The following DYNC2I2 variants were observed in gnomAD, a reference collection of about 807,000 sequenced individuals.
DYNC2I2 encodes cytoplasmic dynein 2 intermediate chain 2.
DYNC2I2 carries 39 observed loss-of-function variants against 52.0 expected under a neutral mutation model. The ratio of observed to expected loss-of-function variants is 0.75; its 90% CI spans 0.58 to 0.98. The LOEUF (loss-of-function observed/expected upper bound fraction) is 0.98, where lower values mean the gene tolerates loss of function less well. DYNC2I2 is among the 50% of genes least tolerant of loss of function. The probability of loss-of-function intolerance (pLI) is 0.00; values close to 1 mark genes in which losing one functional copy is unlikely to be tolerated. For synonymous variants in DYNC2I2, 359 were observed against 321.1 expected (o/e 1.12, Z -1.26); for missense variants, 743 against 728.4 (o/e 1.02, Z -0.23).
intron 1 of DYNC2I2, among the ~76,000 whole-genome samples, chr9:128,642,397 A>C (rs1860531293): frequency 6.8e-6 from 1 of 147,234 alleles, no homozygotes; most frequent in Admixed American, 7.0e-5. Flanking sequence ...CGGAGGTTGC[A>C]CTGAGCCGAG....
chr9:128,671,059 C>T, the DYNC2I2 span, among the ~76,000 whole-genome samples: 1 of 103,042 alleles, frequency 9.7e-6, no homozygotes, highest in Non-Finnish European at 1.9e-5. Context: ...AAAAGCGAAA[C>T]TCCGTCTCAA....
Position 128,640,777 on chromosome 9 carries a change from C to A in DYNC2I2, c.349G>T (p.Ala117Ser). The A allele has an allele frequency of 6.2e-7, 1 of 1,614,206 alleles. No homozygotes were observed. The change falls in exon 2 of 9, where the codon GCC (alanine) becomes TCC (serine). Residue 117 changes from alanine to serine, a missense_variant. Transcript: ENST00000372715. The stretch of plus-strand genomic sequence containing the variant: ...TTGTTCAGCTCTCGGATGACCATGG[C>A]CTCCACTCTCCGAAGAAAGGCTGCG... ...RLAAFLRRVE[A>S]MVIRELNKNW... is the part of the protein sequence containing the mutation.
chr9:128,663,649 C>CTTTTTTTTTTTT, the DYNC2I2 span: 2 of 77,126 alleles, frequency 2.6e-5, no homozygotes, highest in Non-Finnish European at 5.3e-5. Flanking sequence ...TAGTTTTTTT[C>CTTTTTTTTTTTT]TTTTTTTTTT....
the DYNC2I2 span, among the ~76,000 whole-genome samples, chr9:128,671,491 T>C: frequency 6.8e-6 from 1 of 147,508 alleles, no homozygotes; most frequent in African/African-American, 2.5e-5. Context: ...TTTTTTTTTT[T>C]TGAGACGGAG....
At chr9:128,658,644 G>A (rs2132194899), upstream of DYNC2I2, among the ~76,000 whole-genome samples, 1 of 151,068 alleles carries the variant, frequency 6.6e-6, no homozygotes, top group Non-Finnish European at 1.5e-5. Context: ...TGTATTTTTA[G>A]TAGAGATGGG....
intron 1 of DYNC2I2, among the ~76,000 whole-genome samples, chr9:128,648,269 T>C (rs935663995): frequency 6.7e-6 from 1 of 149,964 alleles, no homozygotes; most frequent in Non-Finnish European, 1.5e-5. Flanking sequence ...TAGTCAGGTA[T>C]GGTGGCACAC....
rs1022924319 is a variant in DYNC2I2, at chr9:128,640,829, G to A, written c.297C>T (p.Pro99=). The change falls in exon 2 of 9, where the codon CCC becomes CCT. Residue 99 remains proline, a synonymous_variant. Coordinates refer to ENST00000372715, the MANE Select transcript of DYNC2I2 (RefSeq NM_052844.4). ...TEAPVPVSVQ[P]PSQYDIPRLA... ...GCCTGGGTATGTCATACTGGGACGG[G>A]GGCTGCACGCTGACAGGCACGGGGG... is the stretch of plus-strand genomic sequence containing the variant. 7 of 1,613,886 alleles carry A rather than the reference G, an allele frequency of 4.3e-6. No individual in the cohort carries two copies. In the South Asian group the frequency reaches 4.4e-5, roughly 10 times the overall value.
rs1181941672 is a variant in DYNC2I2 at position 128,633,802 on chromosome 9, T to A, written c.1553A>T (p.Glu518Val). The A allele has an allele frequency of 1.2e-6, 2 of 1,613,570 alleles. No individual in the cohort carries two copies. Among genetic ancestry groups the A allele is most frequent in the South Asian group, 2.2e-5 (2 of 91,082 alleles). ...KVWQLSTEFT[E>V]QGPREAEDLD... ...GTCCTCAGCTTCCCGGGGCCCTTGT[T>A]CCGTGAACTCTGTGCTCAGCTGCCA... is the stretch of plus-strand genomic sequence containing the variant. Residue 518 changes from glutamate (E) to valine (V), a missense_variant, in exon 9 of 9, where the codon GAA (glutamate) becomes GTA (valine). By Grantham distance (121) the Glu-to-Val change is moderately radical. Coordinates refer to ENST00000372715, the MANE Select transcript of DYNC2I2 (RefSeq NM_052844.4).
chr9:128,665,900 G>A, the DYNC2I2 span, among the ~76,000 whole-genome samples: 4 of 143,962 alleles, frequency 2.8e-5, no homozygotes, highest in Non-Finnish European at 4.5e-5. Context: ...GTGAAACCCC[G>A]TCTCTACTAA....
the DYNC2I2 span, among the ~76,000 whole-genome samples, chr9:128,673,377 T>G: frequency 6.6e-6 from 1 of 152,174 alleles, no homozygotes; most frequent in African/African-American, 2.4e-5. Context: ...AGTCTCACTC[T>G]GTCGCCCAGT....
chr9:128,678,803 C>T, the DYNC2I2 span, among the ~76,000 whole-genome samples: 4 of 149,980 alleles, frequency 2.7e-5, no homozygotes, highest in Non-Finnish European at 5.9e-5. Flanking sequence ...GGCGTGGTGG[C>T]TCACACCTGT....
the DYNC2I2 span, among the ~76,000 whole-genome samples, chr9:128,669,737 G>A: frequency 2.6e-5 from 4 of 152,148 alleles, no homozygotes; most frequent in Non-Finnish European, 5.9e-5. Flanking sequence ...GGTGATGAGT[G>A]GCACAAACTT....
In DYNC2I2 at chr9:128,640,631, CAA is replaced by C. The variant is rs1035494715; in HGVS notation, c.435+58_435+59del. 2.4e-4 allele frequency: 382 copies of C among 1,566,426 alleles called. 1 individual carries two copies. Among genetic ancestry groups the C allele is most frequent in the Non-Finnish European group, 3.9e-5 (45 of 1,156,326 alleles). On this transcript the variant is annotated intron_variant, in intron 2 of 8. Coordinates refer to ENST00000372715, the MANE Select transcript of DYNC2I2 (RefSeq NM_052844.4). ...CGGCTGTTATTTGTGGGAAGGAAAA[CAA>C]GAGGAGACAGAAGTGGGGCAGGGGC... is the stretch of plus-strand genomic sequence containing the variant.
upstream of DYNC2I2, among the ~76,000 whole-genome samples, chr9:128,661,510 C>T (rs532359788): frequency 9.2e-5 from 14 of 151,904 alleles, no homozygotes; most frequent in South Asian, 2.9e-3. Flanking sequence ...CTCAGCTACT[C>T]GTGAGTCTGA....
chr9:128,670,220 C>T, the DYNC2I2 span, among the ~76,000 whole-genome samples: 5 of 152,040 alleles, frequency 3.3e-5, no homozygotes, highest in Non-Finnish European at 5.9e-5. Context: ...GGGCGGATCA[C>T]CGGAAGTCAG....
the DYNC2I2 span, among the ~76,000 whole-genome samples, chr9:128,671,022 G>A: frequency 6.8e-6 from 1 of 146,468 alleles, no homozygotes; most frequent in African/African-American, 2.5e-5. Flanking sequence ...AGCCCAGATT[G>A]CACCATTGCA....
the DYNC2I2 span, chr9:128,663,009 T>G: frequency 6.6e-6 from 1 of 152,126 alleles, no homozygotes; most frequent in African/African-American, 2.4e-5. Flanking sequence ...TTGGCCAGGC[T>G]GGTCTCAAAC....
At chr9:128,647,751 A>AT (rs1564343465) in intron 1 of DYNC2I2, among the ~76,000 whole-genome samples, 2 of 136,190 alleles carry the variant, frequency 1.5e-5, no homozygotes, top group African/African-American at 5.3e-5. Context: ...AAAAAAAAAA[A>AT]GCGTTCAGGG....
chr9:128,670,733 T>A, the DYNC2I2 span, among the ~76,000 whole-genome samples: 1 of 102,876 alleles, frequency 9.7e-6, no homozygotes, highest in African/African-American at 3.9e-5. Flanking sequence ...AGACTCCATC[T>A]CAAACAACAA....
Sources: gnomAD v4.1 joint callset for allele counts (sites outside exome capture counted in the v4.1 genomes callset) on GRCh38, gnomAD v4.1.1 for gene constraint, MANE v1.5 for transcripts, NCBI Gene and HGNC (gene_info 2026-07-23, HGNC 2026-07-21) for gene names.